OR4K1: variants seen among roughly 807,000 people sequenced by gnomAD.
OR4K1 encodes the protein olfactory receptor 4K1.
In OR4K1, 16 loss-of-function variants were observed where a neutral mutation model predicts 14.4. The ratio of observed to expected loss-of-function variants is 1.11; its 90% confidence interval spans 0.75 to 1.68. OR4K1 has a LOEUF of 1.68. OR4K1 is among the 40% of genes most tolerant of loss of function. The pLI is 0.00. For missense variants in OR4K1, 548 were observed against 376.9 expected (o/e 1.45, Z -3.76); for synonymous variants, 181 against 133.1 (o/e 1.36, Z -2.48).
At chr14:19,920,978 A>G in the OR4K1 span, 1 of 1,614,194 alleles carries the variant, frequency 6.2e-7, no homozygotes, top group Admixed American at 1.7e-5. Context: ...ACAGGTATGT[A>G]GCCATATGCA....
chr14:19,926,902 T>G (rs1254369231), upstream of OR4K1, among the ~76,000 whole-genome samples: 1 of 152,266 alleles, frequency 6.6e-6, no homozygotes, highest in Non-Finnish European at 1.5e-5. Context: ...CTGCTTACTA[T>G]TTAAAAATAG....
At chr14:19,930,305 T>A (rs542057042), upstream of OR4K1, among the ~76,000 whole-genome samples, 196 of 152,180 alleles carry the variant, frequency 1.3e-3, no homozygotes, top group Non-Finnish European at 2.5e-3. Flanking sequence ...ACCTTCAATT[T>A]TTTTACTTAA....
the OR4K1 span, among the ~76,000 whole-genome samples, chr14:19,925,795 A>G: frequency 6.6e-6 from 1 of 152,278 alleles, no homozygotes; most frequent in Admixed American, 6.5e-5. Context: ...AACGGGATAA[A>G]GGATGAAGAA....
At chr14:19,935,512 T>C (rs1882284421) in intron 1 of OR4K1, 136 bp from the exon 2 acceptor site, 1 of 706,292 alleles carries the variant, frequency 1.4e-6, no homozygotes, top group Non-Finnish European at 2.3e-6. Context: ...AACTGAGTAT[T>C]TACATACGTA....
chr14:19,920,903 CCAAATT>C, the OR4K1 span: 1 of 1,614,138 alleles, frequency 6.2e-7, no homozygotes, highest in Non-Finnish European at 8.5e-7. Flanking sequence ...GCTGCATAGC[CCAAATT>C]TTCTTTATTC....
chr14:19,920,692 G>A, the OR4K1 span: 2 of 1,613,870 alleles, frequency 1.2e-6, no homozygotes, highest in Non-Finnish European at 1.7e-6. Context: ...TTCTATTTTT[G>A]TTTCTTCTCT....
intron 1 of OR4K1, among the ~76,000 whole-genome samples, chr14:19,934,420 G>A (rs1179741151): frequency 6.6e-6 from 1 of 152,268 alleles, no homozygotes; most frequent in Non-Finnish European, 1.5e-5. Context: ...ACAAATTCAA[G>A]TTTGTCAGGT....
the OR4K1 span, chr14:19,920,649 T>C: frequency 1.9e-6 from 3 of 1,613,596 alleles, no homozygotes; most frequent in Non-Finnish European, 1.7e-6. Flanking sequence ...ATTTGTACTG[T>C]TGGGACTCTG....
At chr14:19,922,275 A>G in the OR4K1 span, among the ~76,000 whole-genome samples, 1 of 152,248 alleles carries the variant, frequency 6.6e-6, no homozygotes, top group Admixed American at 6.5e-5. Context: ...GAACTATTTC[A>G]ACACCAAGAT....
chr14:19,922,921 T>A, the OR4K1 span, among the ~76,000 whole-genome samples: 1 of 152,274 alleles, frequency 6.6e-6, no homozygotes, highest in African/African-American at 2.4e-5. Flanking sequence ...TTAATGTGGT[T>A]GGATTTGTGA....
At chr14:19,927,498 A>T (rs1038119756), upstream of OR4K1, among the ~76,000 whole-genome samples, 1 of 152,246 alleles carries the variant, frequency 6.6e-6, no homozygotes, top group East Asian at 1.9e-4. Context: ...AAGAATGAGG[A>T]TGAACGTATG....
the OR4K1 span, chr14:19,921,427 T>C: frequency 6.2e-7 from 1 of 1,614,166 alleles, no homozygotes; most frequent in Non-Finnish European, 8.5e-7. Context: ...CTTGCCATAT[T>C]TTACACTGTT....
rs758721379 is a variant in OR4K1, at chr14:19,936,229, C to G, written c.563C>G (p.Ala188Gly). 12 of 1,614,120 alleles carry G rather than the reference C, an allele frequency of 7.4e-6. No individual in the cohort carries two copies. In the East Asian group the frequency reaches 2.7e-4, roughly 36 times the overall value. Residue 188 changes from alanine to glycine, a missense_variant, in exon 2 of 2, where the codon GCT becomes GGT. Transcript: ENST00000641172. ...FCDLPLVIEL[A>G]CMDTYEMEIM... Reference sequence around the variant, plus strand: ...GACCTTCCCTTGGTGATAGAGCTGGCTTGCATGGATACATATGAAATGGAA... The same window carrying G: ...GACCTTCCCTTGGTGATAGAGCTGGGTTGCATGGATACATATGAAATGGAA...
upstream of OR4K1, among the ~76,000 whole-genome samples, chr14:19,927,831 C>T (rs986738173): frequency 1.3e-5 from 2 of 152,208 alleles, no homozygotes; most frequent in Admixed American, 6.5e-5. Context: ...AGACACAATT[C>T]CAGGGCACAC....
chr14:19,931,954 T>C (rs1481671629), intron 1 of OR4K1, among the ~76,000 whole-genome samples: 4 of 152,244 alleles, frequency 2.6e-5, no homozygotes, highest in African/African-American at 9.6e-5. Flanking sequence ...ATCTTTTAAG[T>C]TCAGTCACAC....
chr14:19,936,310 T>G lies in OR4K1; in HGVS notation c.644T>G (p.Ile215Ser), dbSNP rs774377163. ...TCATTGAGCTGTTTCCTGGCTTTAA[T>G]TATTTCCTACACCATCATTTTGATC... Reference protein sequence around the residue: ...LISLSCFLALIISYTIILIGV... With the variant: ...LISLSCFLALSISYTIILIGV... Residue 215 changes from isoleucine to serine, a missense_variant, in exon 2 of 2, where the codon ATT becomes AGT. Ile to Ser is a moderately radical substitution (Grantham distance 142, BLOSUM62 -2). Coordinates refer to ENST00000641172, the MANE Select transcript of OR4K1 (RefSeq NM_001004063.3). The G allele has an allele frequency of 3.8e-5, 61 of 1,614,164 alleles. No homozygotes were observed. The highest frequency in any genetic ancestry group is 4.9e-5 in the Non-Finnish European group (58 of 1,180,054).
the OR4K1 span, chr14:19,920,623 C>A: frequency 6.2e-7 from 1 of 1,609,538 alleles, no homozygotes; most frequent in South Asian, 1.1e-5. Flanking sequence ...AAGTCCAATT[C>A]TTCAGTGGTG....
chr14:19,935,675 C>G lies in OR4K1; in HGVS notation c.9C>G (p.His3Gln), dbSNP rs769537965. 1 of 1,594,094 alleles carries G rather than the reference C, an allele frequency of 6.3e-7. No homozygotes were observed. The highest frequency in any genetic ancestry group is 8.5e-7 in the Non-Finnish European group (1 of 1,172,696). The change falls in exon 2 of 2, where the codon CAC (histidine) becomes CAG (glutamine). Residue 3 changes from histidine to glutamine, a missense_variant. Physicochemically the swap from His to Gln is conservative, Grantham distance 24. Transcript: ENST00000641172. ...AACTGAATATTGGATACATGGCTCA[C>G]ACAAATGAATCGATGGTGTCTGAGT... is the stretch of plus-strand genomic sequence containing the variant. MA[H>Q]TNESMVSEFV... is the part of the protein sequence containing the mutation.
chr14:19,929,242 A>G (rs1379559144), upstream of OR4K1, among the ~76,000 whole-genome samples: 1 of 149,086 alleles, frequency 6.7e-6, no homozygotes, highest in Admixed American at 6.7e-5. Context: ...ATTATTATAT[A>G]GTTTATACAT....
Sources: allele counts gnomAD v4.1 joint callset (sites outside exome capture counted in the v4.1 genomes callset), GRCh38; gene constraint gnomAD v4.1.1; transcripts MANE v1.5; gene names NCBI Gene and HGNC (gene_info 2026-07-23, HGNC 2026-07-21).